The following OSBPL3 variants were observed in gnomAD, a reference collection of about 807,000 sequenced individuals.
OSBPL3 encodes oxysterol binding protein like 3.
Under a neutral mutation model 120.1 loss-of-function variants are expected in OSBPL3, and 65 were observed. The observed-to-expected ratio is 0.54, with a 90% confidence interval of 0.44 to 0.67. The LOEUF (loss-of-function observed/expected upper bound fraction) is 0.67, where lower values mean the gene tolerates loss of function less well. Ranked by LOEUF, OSBPL3 falls within the 30% of genes least tolerant of loss-of-function variation. OSBPL3 has a pLI of 0.00. For missense variants in OSBPL3, 1,004 were observed against 1,082.1 expected, an observed-to-expected ratio of 0.93 and a Z score of 1.01; for synonymous variants, 416 against 402.6, an observed-to-expected ratio of 1.03 and a Z score of -0.40.
At chr7:24,963,128 T>C (rs1015062880) in intron 1 of OSBPL3, among the ~76,000 whole-genome samples, 8 of 152,188 alleles carry the variant, frequency 5.3e-5, no homozygotes, top group Admixed American at 1.3e-4. Flanking sequence ...ACCAGGTTGA[T>C]TGGGCCTTTA....
rs192525129 is a variant in OSBPL3, at chr7:24,910,714, A to T, written c.-149-18093T>A. ...GGGCCATCTGGTAGGTGCTATGGGCAGTCACAAGGGAAGAGCTCAGTGGGG... is the reference window on the plus strand; with the variant it reads ...GGGCCATCTGGTAGGTGCTATGGGCTGTCACAAGGGAAGAGCTCAGTGGGG... On this transcript the variant is annotated intron_variant, in intron 1 of 22. Coordinates refer to ENST00000313367, the MANE Select transcript of OSBPL3 (RefSeq NM_015550.4). 1.2e-3 allele frequency among the ~76,000 whole-genome samples: 188 copies of T among 152,364 alleles called. 1 individual carries two copies. The highest frequency in any genetic ancestry group is 1.9e-3 in the Non-Finnish European group (132 of 68,034).
chr7:24,816,568 C>T, intron 18 of OSBPL3, 42 bp downstream of exon 18: 1 of 1,442,428 alleles, frequency 6.9e-7, no homozygotes, highest in Non-Finnish European at 9.8e-7. Flanking sequence ...AATCTTGGCC[C>T]TAAATTCCAT....
chr7:24,842,553 T>C (rs926771797), intron 12 of OSBPL3, 140 bp from the exon 13 acceptor site: 7 of 659,646 alleles, frequency 1.1e-5, no homozygotes, highest in Non-Finnish European at 1.8e-5. Flanking sequence ...GCTCCAACAC[T>C]GAGATGCGAG....
chr7:24,904,904 G>A (rs1195046653), intron 1 of OSBPL3, among the ~76,000 whole-genome samples: 2 of 144,726 alleles, frequency 1.4e-5, no homozygotes, highest in Non-Finnish European at 3.0e-5. Context: ...GAAGTGTTCT[G>A]ATCATAATAT....
intron 1 of OSBPL3, among the ~76,000 whole-genome samples, chr7:24,931,093 G>A (rs1266917949): frequency 6.6e-6 from 1 of 152,188 alleles, no homozygotes; most frequent in African/African-American, 2.4e-5. Flanking sequence ...TGAGGGGGTG[G>A]TGTCAGTTCC....
intron 1 of OSBPL3, among the ~76,000 whole-genome samples, chr7:24,909,683 G>A (rs936733097): frequency 8.0e-5 from 12 of 150,902 alleles, no homozygotes; most frequent in Non-Finnish European, 5.9e-5. Flanking sequence ...AATCACCTCT[G>A]TCCTGGCCAG....
chr7:24,954,640 G>A (rs1814827083), intron 1 of OSBPL3, among the ~76,000 whole-genome samples: 1 of 151,996 alleles, frequency 6.6e-6, no homozygotes, highest in Non-Finnish European at 1.5e-5. Context: ...CAATCCTCCT[G>A]ACCCCATCTC....
At position 24,932,679 on chromosome 7, in the gene OSBPL3, T is replaced by C. The variant is rs1477880820; in HGVS notation, c.-149-40058A>G. ...CCTCCCAAGACACCAAATCCAATAG[T>C]ACTTCGATCTTGCATTTTCCAGCCT... On this transcript the variant is annotated intron_variant, in intron 1 of 22. Transcript: ENST00000313367. This position sits in a 1 kb window ranked among gnomAD's most constrained non-coding sequence, Gnocchi z 5.6. 6.6e-6 allele frequency among the ~76,000 whole-genome samples: 1 copy of C among 152,198 alleles called. No individual in the cohort carries two copies. The highest frequency in any genetic ancestry group is 1.5e-5 in the Non-Finnish European group (1 of 68,022).
At chr7:24,929,030 G>A (rs1424550520) in intron 1 of OSBPL3, among the ~76,000 whole-genome samples, 2 of 152,140 alleles carry the variant, frequency 1.3e-5, no homozygotes, top group African/African-American at 2.4e-5. Context: ...CGGGCCAGAG[G>A]GTAAGCGTGT....
chr7:24,924,882 C>T (rs547653504), intron 1 of OSBPL3, among the ~76,000 whole-genome samples: 1 of 152,176 alleles, frequency 6.6e-6, no homozygotes, highest in Non-Finnish European at 1.5e-5. Flanking sequence ...AGGTGGTCTG[C>T]TTGTCTTCCC....
At position 24,820,254 on chromosome 7, in the gene OSBPL3, G is replaced by C; in HGVS notation, c.1885-16C>G. The C allele has an allele frequency of 6.2e-7, 1 of 1,600,346 alleles. No homozygotes were observed. Among genetic ancestry groups the C allele is most frequent in the Admixed American group, 1.7e-5 (1 of 59,902 alleles). On this transcript the variant is annotated splice_polypyrimidine_tract_variant and intron_variant, in intron 16 of 22. Coordinates refer to ENST00000313367, the MANE Select transcript of OSBPL3 (RefSeq NM_015550.4). The surrounding 1 kb of genome is among the most constrained non-coding windows in gnomAD (Gnocchi z 4.6). ...GGTGGCTGACCTGATGGAAACAAAG[G>C]ACAGAAAAACAAAAAATGAATGAAC...
chr7:24,875,896 T>C (rs1425362358), intron 2 of OSBPL3, among the ~76,000 whole-genome samples: 1 of 152,142 alleles, frequency 6.6e-6, no homozygotes, highest in African/African-American at 2.4e-5. Context: ...TAAGAACCAC[T>C]AATGAACTTG....
chr7:24,832,764 C>T (rs1476362139), intron 15 of OSBPL3, among the ~76,000 whole-genome samples: 4 of 151,990 alleles, frequency 2.6e-5, no homozygotes, highest in South Asian at 2.1e-4. Context: ...GAAGACAGAG[C>T]GAAGGGGAGG....
In OSBPL3 at chr7:24,960,321, A is replaced by AAATG. The variant is rs537759932; in HGVS notation, c.-150+19561_-150+19564dup. On this transcript the variant is annotated intron_variant, in intron 1 of 22. Coordinates refer to ENST00000313367, the MANE Select transcript of OSBPL3 (RefSeq NM_015550.4). The stretch of plus-strand genomic sequence containing the variant: ...GGCATGCCCCGCTAGTGTGGTATAT[A>AAATG]AATGAATGAGAAACCTAATCAAAAT... Among the ~76,000 whole-genome samples the AAATG allele has an allele frequency of 1.1e-3, 171 of 152,348 alleles. 1 individual carries two copies. The highest frequency in any genetic ancestry group is 3.8e-3 in the African/African-American group (158 of 41,588).
rs1809106339 is a variant in OSBPL3, at chr7:24,913,342, G to A, written c.-149-20721C>T. Among the ~76,000 whole-genome samples the A allele has an allele frequency of 6.6e-6, 1 of 152,128 alleles. No homozygotes were observed. Among genetic ancestry groups the A allele is most frequent in the Non-Finnish European group, 1.5e-5 (1 of 68,024 alleles). On this transcript the variant is annotated intron_variant, in intron 1 of 22. Coordinates refer to ENST00000313367, the MANE Select transcript of OSBPL3 (RefSeq NM_015550.4). This position sits in a 1 kb window ranked among gnomAD's most constrained non-coding sequence, Gnocchi z 5.3. ...CAGGTGGGAAGCATGAGAACATGGGGTGAAAAAGTCTCCTAGGTAAGTCAG... is the reference window on the plus strand; with the variant it reads ...CAGGTGGGAAGCATGAGAACATGGGATGAAAAAGTCTCCTAGGTAAGTCAG...
At chr7:24,948,259 T>C (rs575908927) in intron 1 of OSBPL3, among the ~76,000 whole-genome samples, 1 of 152,350 alleles carries the variant, frequency 6.6e-6, no homozygotes, top group South Asian at 2.1e-4. Context: ...ACAGAAGACA[T>C]CAGACTTATT....
intron 1 of OSBPL3, among the ~76,000 whole-genome samples, chr7:24,951,400 G>A (rs1424563150): frequency 2.0e-5 from 3 of 152,058 alleles, no homozygotes; most frequent in Non-Finnish European, 2.9e-5. Context: ...TAAAAAGAAA[G>A]GGGAAAAATG....
At position 24,949,556 on chromosome 7, in the gene OSBPL3, C is replaced by T. The variant is rs192762908; in HGVS notation, c.-150+30330G>A. ...TGTCCCCTTGTCATATTCCCTCCAC[C>T]CACCTCTGATTTCAGCCATTGCCAT... On this transcript the variant is annotated intron_variant, in intron 1 of 22. Transcript: ENST00000313367. Among the ~76,000 whole-genome samples, 679 of 152,270 alleles carry T rather than the reference C, an allele frequency of 4.5e-3. 3 individuals are homozygous for T. Among genetic ancestry groups the T allele is most frequent in the Non-Finnish European group, 4.2e-3 (287 of 68,022 alleles).
intron 18 of OSBPL3, among the ~76,000 whole-genome samples, chr7:24,816,228 A>G (rs967510587): frequency 3.3e-5 from 5 of 152,054 alleles, no homozygotes; most frequent in Non-Finnish European, 7.4e-5. Flanking sequence ...GGGTCTTGTC[A>G]TGTTGCCCAT....
Sources: allele counts gnomAD v4.1 joint callset (sites outside exome capture counted in the v4.1 genomes callset), GRCh38; gene constraint gnomAD v4.1.1; non-coding constraint Gnocchi (gnomAD v3.1); transcripts MANE v1.5; gene names NCBI Gene and HGNC (gene_info 2026-07-23, HGNC 2026-07-21).